Variants in PLXNA2 observed in about 807,000 individuals in gnomAD.
PLXNA2 encodes plexin-A2.
PLXNA2 carries 91 observed loss-of-function variants against 193.5 expected under a neutral mutation model. The observed-to-expected ratio is 0.47, with a 90% confidence interval of 0.40 to 0.56. The LOEUF is 0.56. Among genes scored for constraint, PLXNA2 ranks in the 20% least tolerant of loss-of-function variants. The pLI is 0.00. For synonymous variants in PLXNA2, 997 were observed against 1,027.3 expected (o/e 0.97, Z 0.56); for missense variants, 1,995 against 2,503.2 (o/e 0.80, Z 4.33).
At position 208,037,786 on chromosome 1, in the gene PLXNA2, C is replaced by T. The variant is rs566537677; in HGVS notation, c.4764+585G>A. ...GTGTCTGCCAGTGTGCTAAACACCT[C>T]ACCTTCTATCTTGAATCTATTCTAT... On this transcript the variant is annotated intron_variant, in intron 26 of 31. Coordinates refer to ENST00000367033, the MANE Select transcript of PLXNA2 (RefSeq NM_025179.4). 3.3e-5 allele frequency among the ~76,000 whole-genome samples: 5 copies of T among 151,858 alleles called. No individual in the cohort carries two copies. In the South Asian group the frequency reaches 1.0e-3, roughly 32 times the overall value.
At chr1:208,149,606 G>A (rs559284649) in intron 3 of PLXNA2, among the ~76,000 whole-genome samples, 6 of 151,840 alleles carry the variant, frequency 4.0e-5, no homozygotes, top group African/African-American at 1.2e-4. Flanking sequence ...TGTGTGTTCA[G>A]ACCTTTAAGG....
intron 1 of PLXNA2, among the ~76,000 whole-genome samples, chr1:208,238,161 G>A (rs1023049517): frequency 9.9e-5 from 15 of 152,114 alleles, no homozygotes; most frequent in East Asian, 1.9e-4. Flanking sequence ...CTCTCAAAGC[G>A]TCGGAGAGAA....
intron 1 of PLXNA2, among the ~76,000 whole-genome samples, chr1:208,227,971 A>G (rs1168292158): frequency 6.6e-6 from 1 of 152,232 alleles, no homozygotes; most frequent in Non-Finnish European, 1.5e-5. Context: ...GCTCTAATTT[A>G]TACTACTGGG....
intron 1 of PLXNA2, among the ~76,000 whole-genome samples, chr1:208,223,657 C>T (rs548572310): frequency 1.3e-5 from 2 of 152,352 alleles, no homozygotes; most frequent in African/African-American, 2.4e-5. Flanking sequence ...TCAGGACCGT[C>T]ACCTATGCTG....
intron 3 of PLXNA2, among the ~76,000 whole-genome samples, chr1:208,202,319 ATACCAAGCTCC>A (rs1455858754): frequency 6.6e-6 from 1 of 152,154 alleles, no homozygotes; most frequent in Non-Finnish European, 1.5e-5. Context: ...CTACTGCTTT[ATACCAAGCTCC>A]TGGCACACAG....
intron 3 of PLXNA2, among the ~76,000 whole-genome samples, chr1:208,170,771 G>T (rs1390854638): frequency 6.6e-6 from 1 of 152,136 alleles, no homozygotes; most frequent in Non-Finnish European, 1.5e-5. Context: ...GTTGATGCAT[G>T]AACCAACAAG....
At chr1:208,170,684 G>T (rs566578884) in intron 3 of PLXNA2, among the ~76,000 whole-genome samples, 1 of 152,326 alleles carries the variant, frequency 6.6e-6, no homozygotes, top group East Asian at 1.9e-4. Flanking sequence ...GGCCTTTGAA[G>T]TAGGAATAAG....
At chr1:208,148,518 G>A (rs1462683497) in intron 3 of PLXNA2, among the ~76,000 whole-genome samples, 1 of 152,114 alleles carries the variant, frequency 6.6e-6, no homozygotes, top group Non-Finnish European at 1.5e-5. Context: ...GGGACATAAT[G>A]GTCCTTAGCT....
chr1:208,075,892 T>C (rs1456952528), intron 12 of PLXNA2, among the ~76,000 whole-genome samples: 1 of 151,762 alleles, frequency 6.6e-6, no homozygotes, highest in Non-Finnish European at 1.5e-5. Context: ...ACTCCACCTT[T>C]ACTAAAAATA....
At chr1:208,211,520 T>C (rs565582987) in intron 2 of PLXNA2, among the ~76,000 whole-genome samples, 63 of 152,120 alleles carry the variant, frequency 4.1e-4, no homozygotes, top group African/African-American at 9.9e-4. Context: ...AGTGAAACCC[T>C]GTCTCTACTA....
chr1:208,210,403 T>C lies in PLXNA2; in HGVS notation c.1248A>G (p.Ser416=), dbSNP rs139127977. ...GLDINQPLGG[S]TPVEGLTLYT... ...ACAGGGTCAGGCCCTCCACTGGAGT[T>C]GAGCCTCCCAGGGGCTGGTTGATGT... The change falls in exon 3 of 32, where the codon TCA becomes TCG. Residue 416 remains serine, a synonymous_variant. Transcript: ENST00000367033. The C allele has an allele frequency of 1.7e-4, 279 of 1,614,010 alleles. 1 individual carries two copies. In the African/African-American group the frequency reaches 2.6e-3, roughly 15 times the overall value.
intron 28 of PLXNA2, chr1:208,032,051 G>A (rs905155732): frequency 2.0e-6 from 2 of 985,348 alleles, no homozygotes; most frequent in African/African-American, 3.5e-5. Context: ...GAAGTGCCCC[G>A]GGTCCGGGCT....
At chr1:208,206,306 G>C (rs1028006129) in intron 3 of PLXNA2, among the ~76,000 whole-genome samples, 1 of 152,196 alleles carries the variant, frequency 6.6e-6, no homozygotes, top group Non-Finnish European at 1.5e-5. Context: ...CATAGAAGCT[G>C]TTCTTCTATT....
intron 3 of PLXNA2, among the ~76,000 whole-genome samples, chr1:208,193,860 G>GA (rs5780440): frequency 0.18 from 27,428 of 152,006 alleles, 2,731 homozygotes; most frequent in Admixed American, 0.31. Flanking sequence ...TTGCACAACT[G>GA]TACTGCAGCT....
intron 17 of PLXNA2, among the ~76,000 whole-genome samples, chr1:208,049,301 G>T: frequency 8.7e-6 from 1 of 115,420 alleles, no homozygotes. Context: ...TACCTAATTT[G>T]CTTGCTTTTT....
chr1:208,045,856 G>A (rs1460189542), intron 18 of PLXNA2, 22 bp downstream of exon 18: 2 of 1,613,028 alleles, frequency 1.2e-6, no homozygotes, highest in African/African-American at 2.7e-5. Context: ...TGGTGGCACT[G>A]CCCTCTGGCG....
At chr1:208,045,383 A>G (rs1248846858) in intron 18 of PLXNA2, among the ~76,000 whole-genome samples, 173 bp from the exon 19 acceptor site, 1 of 152,208 alleles carries the variant, frequency 6.6e-6, no homozygotes, top group Non-Finnish European at 1.5e-5. Context: ...CTAGAGAGAA[A>G]GAGAGAAAAC....
At chr1:208,176,939 C>A (rs1272047047) in intron 3 of PLXNA2, among the ~76,000 whole-genome samples, 1 of 152,194 alleles carries the variant, frequency 6.6e-6, no homozygotes, top group South Asian at 2.1e-4. Flanking sequence ...CAGTTCACCA[C>A]GGTGCCGGTG....
intron 29 of PLXNA2, chr1:208,029,487 A>G (rs1458030300): frequency 9.9e-7 from 1 of 1,005,784 alleles, no homozygotes. Flanking sequence ...CGGAGCAGGC[A>G]CAAAGGGCGC....
Sources: gnomAD v4.1 joint callset for allele counts (sites outside exome capture counted in the v4.1 genomes callset) on GRCh38, gnomAD v4.1.1 for gene constraint, MANE v1.5 for transcripts, NCBI Gene and HGNC (gene_info 2026-07-23, HGNC 2026-07-21) for gene names.